The following SH3GL2 variants were observed in gnomAD, a reference collection of about 807,000 sequenced individuals.
SH3GL2 encodes the protein SH3 domain containing GRB2 like 2, endophilin A1.
In SH3GL2, 24 loss-of-function variants were observed where a neutral mutation model predicts 46.0. The observed-to-expected ratio is 0.52, with a 90% CI of 0.38 to 0.73. The LOEUF (loss-of-function observed/expected upper bound fraction) is 0.73. SH3GL2 is among the 30% of genes least tolerant of loss of function. SH3GL2 has a pLI of 0.00. For synonymous variants in SH3GL2, 196 were observed against 147.1 expected (o/e 1.33, Z -2.40); for missense variants, 413 against 424.2 (o/e 0.97, Z 0.23).
At chr9:17,747,729 C>T (rs1822734589) in intron 2 of SH3GL2, among the ~76,000 whole-genome samples, 1 of 152,018 alleles carries the variant, frequency 6.6e-6, no homozygotes, top group Non-Finnish European at 1.5e-5. Flanking sequence ...AGCTGGAGTG[C>T]AGTGGCATGA....
chr9:17,676,405 A>C (rs1353138498), intron 1 of SH3GL2, among the ~76,000 whole-genome samples: 2 of 152,162 alleles, frequency 1.3e-5, no homozygotes, highest in South Asian at 2.1e-4. Flanking sequence ...TAGGAGTTCA[A>C]GACCAGCCTA....
chr9:17,665,541 C>G (rs997094531), intron 1 of SH3GL2, among the ~76,000 whole-genome samples: 1 of 152,060 alleles, frequency 6.6e-6, no homozygotes, highest in Non-Finnish European at 1.5e-5. Flanking sequence ...ATTATGTCCT[C>G]TTGGATTCTC....
chr9:17,709,176 T>G (rs1032018004), intron 1 of SH3GL2, among the ~76,000 whole-genome samples: 2 of 152,046 alleles, frequency 1.3e-5, no homozygotes, highest in African/African-American at 2.4e-5. Flanking sequence ...TCCCAGGGCT[T>G]GCTTATTTGG....
chr9:17,792,832 C>G (rs1205904720), intron 7 of SH3GL2, among the ~76,000 whole-genome samples: 2 of 152,218 alleles, frequency 1.3e-5, no homozygotes, highest in South Asian at 2.1e-4. Flanking sequence ...TCTGACAGTG[C>G]TTACTAAAAT....
chr9:17,767,987 G>A (rs1458143443), intron 3 of SH3GL2, among the ~76,000 whole-genome samples: 1 of 152,128 alleles, frequency 6.6e-6, no homozygotes, highest in African/African-American at 2.4e-5. Context: ...AAGTGATTTA[G>A]ACTTTTAAGT....
At chr9:17,683,176 A>G (rs1218441965) in intron 1 of SH3GL2, among the ~76,000 whole-genome samples, 1 of 152,106 alleles carries the variant, frequency 6.6e-6, no homozygotes, top group Non-Finnish European at 1.5e-5. Flanking sequence ...TGTTTTAAGT[A>G]CTAAAAGCTG....
intron 1 of SH3GL2, among the ~76,000 whole-genome samples, chr9:17,731,643 T>G (rs552695097): frequency 8.9e-4 from 136 of 152,236 alleles, no homozygotes; most frequent in Non-Finnish European, 1.7e-3. Context: ...AAAATTCTAT[T>G]GTTTAAGCTT....
At chr9:17,647,864 A>G (rs28646264) in intron 1 of SH3GL2, among the ~76,000 whole-genome samples, 6,221 of 152,210 alleles carry the variant, frequency 0.041, 303 homozygotes, top group African/African-American at 0.11. Context: ...GTCCACTTAT[A>G]TGCAGATTTT....
At chr9:17,735,212 A>G (rs929399320) in intron 1 of SH3GL2, among the ~76,000 whole-genome samples, 24 of 152,036 alleles carry the variant, frequency 1.6e-4, no homozygotes, top group African/African-American at 4.6e-4. Context: ...ACTACCTACC[A>G]CTCACTGGCA....
Position 17,659,911 on chromosome 9 carries a change from G to T in SH3GL2, c.45+80624G>T, listed in dbSNP as rs187592972. On this transcript the variant is annotated intron_variant, in intron 1 of 8. Transcript: ENST00000380607. Reference sequence around the variant, plus strand: ...GGGTTCTTGATATGACTTTTGGCTGGAATTTACTAATATCTGAGATTACTT... The same window carrying T: ...GGGTTCTTGATATGACTTTTGGCTGTAATTTACTAATATCTGAGATTACTT... Among the ~76,000 whole-genome samples, 314 of 152,234 alleles carry T rather than the reference G, an allele frequency of 2.1e-3. 2 individuals are homozygous for T. The highest frequency in any genetic ancestry group is 7.3e-3 in the African/African-American group (303 of 41,550).
intron 2 of SH3GL2, among the ~76,000 whole-genome samples, chr9:17,748,267 G>A (rs1822750026): frequency 6.6e-6 from 1 of 152,170 alleles, no homozygotes; most frequent in Non-Finnish European, 1.5e-5. Flanking sequence ...TCTTAAGTGG[G>A]TGGTGGGTAA....
chr9:17,641,648 T>C (rs1819685679), intron 1 of SH3GL2, among the ~76,000 whole-genome samples: 1 of 152,160 alleles, frequency 6.6e-6, no homozygotes, highest in Non-Finnish European at 1.5e-5. Flanking sequence ...TGTCCATGTG[T>C]TCTCATTGTT....
chr9:17,753,734 C>T (rs1365013557), intron 2 of SH3GL2, among the ~76,000 whole-genome samples: 1 of 152,172 alleles, frequency 6.6e-6, no homozygotes. Flanking sequence ...GTGTCTTCCT[C>T]ATGAAATTTT....
intron 1 of SH3GL2, among the ~76,000 whole-genome samples, chr9:17,587,899 CA>C (rs398068497): frequency 0.019 from 2,611 of 140,554 alleles, 77 homozygotes; most frequent in African/African-American, 0.061. Context: ...AAACAAAAAC[CA>C]AAAAAAAAAA....
At chr9:17,592,909 A>C (rs1818510665) in intron 1 of SH3GL2, among the ~76,000 whole-genome samples, 1 of 152,114 alleles carries the variant, frequency 6.6e-6, no homozygotes. Flanking sequence ...TAGAGGGGAA[A>C]GGGGGTGAAG....
intron 1 of SH3GL2, among the ~76,000 whole-genome samples, chr9:17,597,044 T>A (rs1048533749): frequency 2.0e-5 from 3 of 152,214 alleles, no homozygotes; most frequent in Admixed American, 1.3e-4. Flanking sequence ...TTTTCCAACC[T>A]CTGCAGCATC....
chr9:17,661,774 G>T (rs1449907360), intron 1 of SH3GL2, among the ~76,000 whole-genome samples: 2 of 152,164 alleles, frequency 1.3e-5, no homozygotes, highest in Non-Finnish European at 2.9e-5. Flanking sequence ...GCATAGTATA[G>T]TGGAAACTAC....
intron 1 of SH3GL2, among the ~76,000 whole-genome samples, chr9:17,675,685 GC>G (rs1397040480): frequency 1.5e-4 from 23 of 152,300 alleles, no homozygotes; most frequent in African/African-American, 5.3e-4. Flanking sequence ...AGTGGCTCAC[GC>G]CTGTAATCTC....
At chr9:17,639,694 T>C (rs1819627682) in intron 1 of SH3GL2, among the ~76,000 whole-genome samples, 1 of 152,212 alleles carries the variant, frequency 6.6e-6, no homozygotes, top group African/African-American at 2.4e-5. Flanking sequence ...ATACAGACTT[T>C]ATGTGAATAT....
Sources: gnomAD v4.1 joint callset for allele counts (sites outside exome capture counted in the v4.1 genomes callset) on GRCh38, gnomAD v4.1.1 for gene constraint, MANE v1.5 for transcripts, NCBI Gene and HGNC (gene_info 2026-07-23, HGNC 2026-07-21) for gene names.